The following AGBL4 variants were observed in gnomAD, a reference collection of about 807,000 sequenced individuals.
The protein encoded by AGBL4 is AGBL carboxypeptidase 4, also known as cytosolic carboxypeptidase 6.
Under a neutral mutation model 66.4 loss-of-function variants are expected in AGBL4, and 58 were observed. That is an observed-to-expected ratio of 0.87 (90% CI 0.71 to 1.09). The LOEUF (loss-of-function observed/expected upper bound fraction) is 1.09. Ranked by LOEUF, AGBL4 falls within the 50% of genes least tolerant of loss-of-function variation. The pLI is 0.00. For synonymous variants in AGBL4, 234 were observed against 222.9 expected (o/e 1.05, Z -0.44); for missense variants, 579 against 631.0 (o/e 0.92, Z 0.88).
intron 4 of AGBL4, among the ~76,000 whole-genome samples, chr1:49,160,381 T>G (rs1646517413): frequency 6.6e-6 from 1 of 152,176 alleles, no homozygotes; most frequent in Non-Finnish European, 1.5e-5. Flanking sequence ...TGCCTGGATA[T>G]AATCAGCAGA....
At chr1:49,598,559 T>C (rs1180477773) in intron 3 of AGBL4, among the ~76,000 whole-genome samples, 1 of 152,140 alleles carries the variant, frequency 6.6e-6, no homozygotes, top group Non-Finnish European at 1.5e-5. Flanking sequence ...TGCTGCTCTC[T>C]GATTGTTCCT....
At chr1:49,823,172 T>A (rs1455706755) in intron 2 of AGBL4, among the ~76,000 whole-genome samples, 1 of 152,256 alleles carries the variant, frequency 6.6e-6, no homozygotes, top group African/African-American at 2.4e-5. Flanking sequence ...CACCATTATA[T>A]ATTTTGGAAT....
intron 5 of AGBL4, among the ~76,000 whole-genome samples, chr1:49,036,884 C>G (rs1019034721): frequency 6.6e-6 from 1 of 151,892 alleles, no homozygotes; most frequent in Non-Finnish European, 1.5e-5. Context: ...AAGGTAGGCC[C>G]AGAGGGTGGG....
At chr1:49,353,896 G>A (rs1314421918) in intron 3 of AGBL4, among the ~76,000 whole-genome samples, 1 of 152,116 alleles carries the variant, frequency 6.6e-6, no homozygotes, top group African/African-American at 2.4e-5. Flanking sequence ...CCTCTTTCCA[G>A]CTCCCCAATC....
chr1:49,857,337 A>G (rs1646460906), intron 1 of AGBL4, among the ~76,000 whole-genome samples: 1 of 152,144 alleles, frequency 6.6e-6, no homozygotes, highest in Non-Finnish European at 1.5e-5. Context: ...CTTTCAAAAT[A>G]CAATGACTTT....
intron 2 of AGBL4, among the ~76,000 whole-genome samples, chr1:49,802,493 CTGTTTT>C (rs1644885780): frequency 6.6e-6 from 1 of 152,162 alleles, no homozygotes; most frequent in South Asian, 2.1e-4. Flanking sequence ...AACTGTGTTT[CTGTTTT>C]TAGTCTCTGT....
chr1:49,145,567 A>T (rs1022539716), intron 4 of AGBL4, among the ~76,000 whole-genome samples: 8 of 152,208 alleles, frequency 5.3e-5, no homozygotes, highest in African/African-American at 1.9e-4. Context: ...AGAAAGCAAA[A>T]CACAGTTTGA....
chr1:49,479,796 G>A (rs1646918829), intron 3 of AGBL4, among the ~76,000 whole-genome samples: 1 of 151,120 alleles, frequency 6.6e-6, no homozygotes, highest in African/African-American at 2.4e-5. Flanking sequence ...CCGCCTCCCG[G>A]GTTCACACCA....
chr1:49,846,201 TCAGC>T (rs1307965128), intron 2 of AGBL4: 1 of 1,461,654 alleles, frequency 6.8e-7, no homozygotes, highest in African/African-American at 1.4e-5. Context: ...AGCTCCTCAC[TCAGC>T]CAGCACAAAA....
At chr1:49,623,287 T>G (rs754057984) in intron 3 of AGBL4, among the ~76,000 whole-genome samples, 2 of 152,204 alleles carry the variant, frequency 1.3e-5, no homozygotes, top group African/African-American at 2.4e-5. Context: ...TTCATTACCA[T>G]GTTGGAAGAA....
chr1:49,876,185 G>A (rs1402149629), intron 1 of AGBL4, among the ~76,000 whole-genome samples: 1 of 142,768 alleles, frequency 7.0e-6, no homozygotes, highest in African/African-American at 2.6e-5. Flanking sequence ...GTCAATTTTG[G>A]CTTTGGTTGC....
chr1:48,988,808 C>T (rs754886385), intron 5 of AGBL4, among the ~76,000 whole-genome samples: 1 of 152,102 alleles, frequency 6.6e-6, no homozygotes, highest in African/African-American at 2.4e-5. Context: ...GGAGGCCTGC[C>T]AGCATCGATA....
At chr1:49,190,127 G>A (rs1647088421) in intron 4 of AGBL4, among the ~76,000 whole-genome samples, 1 of 152,188 alleles carries the variant, frequency 6.6e-6, no homozygotes, top group African/African-American at 2.4e-5. Context: ...AGAGGCAAAT[G>A]GGTATATGTA....
At chr1:49,706,220 T>G (rs2124641189) in intron 2 of AGBL4, among the ~76,000 whole-genome samples, 1 of 152,318 alleles carries the variant, frequency 6.6e-6, no homozygotes. Flanking sequence ...CTGCCTCAAC[T>G]TCAGAACATT....
At chr1:49,013,546 A>G (rs893594081) in intron 5 of AGBL4, among the ~76,000 whole-genome samples, 1 of 152,188 alleles carries the variant, frequency 6.6e-6, no homozygotes, top group Non-Finnish European at 1.5e-5. Context: ...TAAAAAGTTT[A>G]TAGGCTCCAT....
chr1:49,009,316 A>G (rs1221317881), intron 5 of AGBL4, among the ~76,000 whole-genome samples: 1 of 152,126 alleles, frequency 6.6e-6, no homozygotes, highest in African/African-American at 2.4e-5. Context: ...CACCCTCCCA[A>G]GACTAAACCA....
At chr1:49,952,617 T>G (rs1052640372) in intron 1 of AGBL4, among the ~76,000 whole-genome samples, 2 of 151,922 alleles carry the variant, frequency 1.3e-5, no homozygotes, top group Non-Finnish European at 2.9e-5. Context: ...AAGCTCATAT[T>G]CTTTTGACCT....
intron 6 of AGBL4, among the ~76,000 whole-genome samples, chr1:48,862,729 C>A (rs1015519468): frequency 2.6e-5 from 4 of 152,204 alleles, no homozygotes; most frequent in Admixed American, 6.5e-5. Context: ...TACATCACTA[C>A]TGCATTTTGG....
chr1:48,614,341 C>G (rs1570008194), intron 9 of AGBL4, among the ~76,000 whole-genome samples: 1 of 152,208 alleles, frequency 6.6e-6, no homozygotes, highest in Admixed American at 6.5e-5. Context: ...TAAGTTTTCT[C>G]ATTTGTAAAA....
Sources: gnomAD v4.1 joint callset for allele counts (sites outside exome capture counted in the v4.1 genomes callset) on GRCh38, gnomAD v4.1.1 for gene constraint, MANE v1.5 for transcripts, NCBI Gene and HGNC (gene_info 2026-07-23, HGNC 2026-07-21) for gene names.